FRK: variants seen among roughly 807,000 people sequenced by gnomAD.
The protein encoded by FRK is tyrosine-protein kinase FRK.
In FRK, 51 loss-of-function variants were observed where a neutral mutation model predicts 56.4. That is an observed-to-expected ratio of 0.90 (90% CI 0.72 to 1.14). FRK has a LOEUF of 1.14. Among genes scored for constraint, FRK ranks in the 50% most tolerant of loss-of-function variants. FRK has a pLI of 0.00. For synonymous variants in FRK, 245 were observed against 217.9 expected (o/e 1.12, Z -1.10); for missense variants, 570 against 601.4 (o/e 0.95, Z 0.55).
chr6:116,007,967 AT>A (rs1775312991), intron 1 of FRK, among the ~76,000 whole-genome samples: 2 of 152,216 alleles, frequency 1.3e-5, no homozygotes, highest in Admixed American at 1.3e-4. Flanking sequence ...TGGTGCAAAA[AT>A]AAAAATAAAA....
At chr6:116,091,969 C>T in the FRK span, among the ~76,000 whole-genome samples, 1 of 152,168 alleles carries the variant, frequency 6.6e-6, no homozygotes, top group Non-Finnish European at 1.5e-5. Context: ...TCCTATCTAG[C>T]CTGACCCTCG....
chr6:115,975,771 C>T lies in FRK; in HGVS notation c.467-7032G>A, dbSNP rs1582669316. Among the ~76,000 whole-genome samples the T allele has an allele frequency of 2.6e-5, 4 of 152,250 alleles. 1 individual carries two copies. The highest frequency in any genetic ancestry group is 2.6e-4 in the Admixed American group (4 of 15,286). On this transcript the variant is annotated intron_variant, in intron 2 of 7. Coordinates refer to ENST00000606080, the MANE Select transcript of FRK (RefSeq NM_002031.3). Reference sequence around the variant, plus strand: ...TTGCTGGCATTATGATTGAACTCAGCTAAAAGATCAAAGATCCTGAGTTTA... The same window carrying T: ...TTGCTGGCATTATGATTGAACTCAGTTAAAAGATCAAAGATCCTGAGTTTA...
chr6:115,960,095 G>C (rs1030592474), intron 4 of FRK, among the ~76,000 whole-genome samples: 1 of 152,090 alleles, frequency 6.6e-6, no homozygotes, highest in East Asian at 1.9e-4. Context: ...CGTGAGCGAC[G>C]CAGAAGACGG....
At chr6:115,985,353 C>T (rs185867905) in intron 2 of FRK, among the ~76,000 whole-genome samples, 5 of 152,130 alleles carry the variant, frequency 3.3e-5, no homozygotes, top group South Asian at 2.1e-4. Context: ...ATAGAGACAG[C>T]GGTGAGGGCA....
chr6:116,098,328 C>A, the FRK span, among the ~76,000 whole-genome samples: 1 of 151,916 alleles, frequency 6.6e-6, no homozygotes, highest in Non-Finnish European at 1.5e-5. Context: ...CCAAGCTGGT[C>A]TTGAACTCCT....
chr6:116,045,271 G>C (rs1776903837), intron 1 of FRK, among the ~76,000 whole-genome samples: 2 of 152,152 alleles, frequency 1.3e-5, no homozygotes, highest in Admixed American at 1.3e-4. Context: ...AGCCCACATA[G>C]CCAAGACAAT....
At chr6:116,099,137 A>C in the FRK span, among the ~76,000 whole-genome samples, 3 of 152,162 alleles carry the variant, frequency 2.0e-5, no homozygotes, top group Non-Finnish European at 2.9e-5. Context: ...TTTTCTCTTT[A>C]AGAGTGCCCT....
intron 1 of FRK, among the ~76,000 whole-genome samples, chr6:116,014,459 C>A (rs1264933309): frequency 6.7e-6 from 1 of 150,000 alleles, no homozygotes; most frequent in South Asian, 2.1e-4. Flanking sequence ...GAAAGAGATA[C>A]AGAAATCTAA....
the FRK span, among the ~76,000 whole-genome samples, chr6:116,096,651 C>T: frequency 4.0e-5 from 6 of 151,856 alleles, no homozygotes; most frequent in Admixed American, 6.6e-5. Context: ...GTAAAATGGA[C>T]CAATCAGCAC....
intron 5 of FRK, among the ~76,000 whole-genome samples, chr6:115,946,116 T>C (rs1043327332): frequency 2.0e-5 from 3 of 152,138 alleles, no homozygotes; most frequent in Admixed American, 1.3e-4. Flanking sequence ...AAACTAATAT[T>C]ACTCTTATAT....
chr6:116,066,256 C>A, the FRK span, among the ~76,000 whole-genome samples: 1 of 152,148 alleles, frequency 6.6e-6, no homozygotes, highest in South Asian at 2.1e-4. Flanking sequence ...GGCCTAGCCT[C>A]CCAGCCTACA....
At chr6:115,955,435 G>A (rs115314497) in intron 5 of FRK, among the ~76,000 whole-genome samples, 2,227 of 152,196 alleles carry the variant, frequency 0.015, 59 homozygotes, top group African/African-American at 0.051. Context: ...CTTTGTCCTG[G>A]GAATAAGGCA....
At chr6:115,999,399 C>T (rs1290995364) in intron 2 of FRK, among the ~76,000 whole-genome samples, 3 of 152,102 alleles carry the variant, frequency 2.0e-5, no homozygotes, top group Admixed American at 6.6e-5. Flanking sequence ...ACTCTCTTTT[C>T]AGATCTACTC....
At chr6:115,962,404 G>C (rs369898859) in intron 4 of FRK, among the ~76,000 whole-genome samples, 6 of 145,938 alleles carry the variant, frequency 4.1e-5, no homozygotes, top group African/African-American at 1.3e-4. Context: ...AGCAAGTCCT[G>C]AGTGACCTAC....
At chr6:116,062,328 A>G (rs771591033), upstream of FRK, among the ~76,000 whole-genome samples, 1 of 152,182 alleles carries the variant, frequency 6.6e-6, no homozygotes, top group Non-Finnish European at 1.5e-5. Flanking sequence ...CAGAAAATAT[A>G]TAATACCAAA....
chr6:116,094,472 C>G, the FRK span, among the ~76,000 whole-genome samples: 1 of 152,250 alleles, frequency 6.6e-6, no homozygotes, highest in Non-Finnish European at 1.5e-5. Flanking sequence ...CTCCCACCTT[C>G]TCAGTTGTAA....
At chr6:116,017,840 C>T (rs1293409473) in intron 1 of FRK, among the ~76,000 whole-genome samples, 1 of 152,156 alleles carries the variant, frequency 6.6e-6, no homozygotes, top group African/African-American at 2.4e-5. Flanking sequence ...CCTGCCATAG[C>T]CCACCTTGCA....
intron 2 of FRK, among the ~76,000 whole-genome samples, chr6:116,002,513 A>G (rs1775102344): frequency 6.6e-6 from 1 of 152,212 alleles, no homozygotes; most frequent in South Asian, 2.1e-4. Context: ...GCTACTTGGT[A>G]GCCTGATGCA....
chr6:115,993,309 A>G (rs1429880249), intron 2 of FRK, among the ~76,000 whole-genome samples: 4 of 151,852 alleles, frequency 2.6e-5, no homozygotes, highest in African/African-American at 9.7e-5. Context: ...TGAGAAAAAT[A>G]AGAAAGATTT....
Sources: allele counts gnomAD v4.1 joint callset (sites outside exome capture counted in the v4.1 genomes callset), GRCh38; gene constraint gnomAD v4.1.1; transcripts MANE v1.5; gene names NCBI Gene and HGNC (gene_info 2026-07-23, HGNC 2026-07-21).